Variants in PDSS2 observed in about 807,000 individuals in gnomAD.
The protein encoded by PDSS2 is all trans-polyprenyl-diphosphate synthase PDSS2.
In PDSS2, 31 loss-of-function variants were observed where a neutral mutation model predicts 44.5. The observed-to-expected ratio is 0.70, with a 90% CI of 0.52 to 0.94. PDSS2 has a LOEUF of 0.94. Ranked by LOEUF, PDSS2 falls within the 40% of genes least tolerant of loss-of-function variation. The pLI is 0.00. For missense variants in PDSS2, 452 were observed against 482.2 expected, an observed-to-expected ratio of 0.94 and a Z score of 0.59; for synonymous variants, 157 against 180.3, an observed-to-expected ratio of 0.87 and a Z score of 1.03.
At chr6:107,320,092 T>C (rs1256043593) in intron 2 of PDSS2, among the ~76,000 whole-genome samples, 1 of 152,168 alleles carries the variant, frequency 6.6e-6, no homozygotes, top group Non-Finnish European at 1.5e-5. Context: ...TTGCATGGCA[T>C]AATAAGCTGT....
chr6:107,240,502 G>T (rs920414844), intron 4 of PDSS2, among the ~76,000 whole-genome samples: 1 of 149,554 alleles, frequency 6.7e-6, no homozygotes, highest in Non-Finnish European at 1.5e-5. Context: ...AGGTTCAAGC[G>T]ATCCTCCTGC....
At chr6:107,182,905 G>A (rs1582749379) in intron 7 of PDSS2, among the ~76,000 whole-genome samples, 1 of 152,054 alleles carries the variant, frequency 6.6e-6, no homozygotes, top group African/African-American at 2.4e-5. Context: ...ATGAGGAGTG[G>A]GGGATTTAAA....
chr6:107,362,751 A>C (rs1421544334), intron 1 of PDSS2, among the ~76,000 whole-genome samples: 1 of 152,234 alleles, frequency 6.6e-6, no homozygotes, highest in Non-Finnish European at 1.5e-5. Context: ...TATTATAAAT[A>C]TGCTCAAAAA....
At chr6:107,346,040 T>C (rs149235811) in intron 1 of PDSS2, among the ~76,000 whole-genome samples, 2 of 152,324 alleles carry the variant, frequency 1.3e-5, no homozygotes, top group African/African-American at 4.8e-5. Flanking sequence ...CCAGCAGAGC[T>C]AGCAAAGAGG....
At chr6:107,362,343 A>C (rs1251314115) in intron 1 of PDSS2, among the ~76,000 whole-genome samples, 1 of 152,224 alleles carries the variant, frequency 6.6e-6, no homozygotes, top group Non-Finnish European at 1.5e-5. Context: ...AGAGACTGGA[A>C]GTCTCACTGT....
At chr6:107,293,835 G>C (rs566435904) in intron 2 of PDSS2, among the ~76,000 whole-genome samples, 18 of 152,302 alleles carry the variant, frequency 1.2e-4, no homozygotes, top group Admixed American at 3.9e-4. Context: ...TGTGATAGCA[G>C]ATGAAGAAGA....
chr6:107,407,313 ACTGTTT>A (rs1359719888), intron 1 of PDSS2, among the ~76,000 whole-genome samples: 2 of 152,198 alleles, frequency 1.3e-5, no homozygotes, highest in Non-Finnish European at 2.9e-5. Flanking sequence ...ATGAGGAGTT[ACTGTTT>A]CTATTTGTGA....
chr6:107,354,086 A>G (rs1305060130), intron 1 of PDSS2, among the ~76,000 whole-genome samples: 1 of 152,212 alleles, frequency 6.6e-6, no homozygotes, highest in Non-Finnish European at 1.5e-5. Flanking sequence ...CACAAGATGT[A>G]CTAATTTAGA....
chr6:107,270,469 T>C (rs1775565599), intron 3 of PDSS2, among the ~76,000 whole-genome samples: 1 of 152,166 alleles, frequency 6.6e-6, no homozygotes, highest in South Asian at 2.1e-4. Context: ...ATTTTTTATC[T>C]GACATCAGTT....
chr6:107,179,121 C>T (rs926509149), intron 7 of PDSS2, among the ~76,000 whole-genome samples: 31 of 152,316 alleles, frequency 2.0e-4, no homozygotes, highest in African/African-American at 7.2e-4. Context: ...ATTTTTCTGA[C>T]AGCTGCACAC....
At chr6:107,177,125 GTA>G (rs1771820052) in intron 7 of PDSS2, among the ~76,000 whole-genome samples, 1 of 133,642 alleles carries the variant, frequency 7.5e-6, no homozygotes, top group Admixed American at 8.5e-5. Flanking sequence ...AACACGTAAT[GTA>G]ATTCTTTTTT....
chr6:107,170,180 G>C (rs1771513197), intron 7 of PDSS2, among the ~76,000 whole-genome samples: 1 of 152,100 alleles, frequency 6.6e-6, no homozygotes, highest in Non-Finnish European at 1.5e-5. Flanking sequence ...GCAATGGTGG[G>C]CGCCCCTCCA....
chr6:107,296,212 C>G (rs1776502802), intron 2 of PDSS2, among the ~76,000 whole-genome samples: 1 of 152,138 alleles, frequency 6.6e-6, no homozygotes, highest in African/African-American at 2.4e-5. Context: ...GCAGCATAAC[C>G]TAGCCTACCC....
chr6:107,247,656 T>C (rs966176123), intron 3 of PDSS2, among the ~76,000 whole-genome samples: 3 of 152,098 alleles, frequency 2.0e-5, no homozygotes, highest in Non-Finnish European at 4.4e-5. Context: ...CCAGTGCACA[T>C]ATCAATCTCT....
intron 1 of PDSS2, among the ~76,000 whole-genome samples, chr6:107,440,661 T>C (rs1781486870): frequency 6.6e-6 from 1 of 152,160 alleles, no homozygotes; most frequent in African/African-American, 2.4e-5. Context: ...AATGGTGCCT[T>C]TGAGCTGGAA....
At chr6:107,283,772 C>T (rs1410596124) in intron 2 of PDSS2, among the ~76,000 whole-genome samples, 1 of 151,694 alleles carries the variant, frequency 6.6e-6, no homozygotes, top group East Asian at 1.9e-4. Context: ...GTGGCTCACG[C>T]CTGTAATCCC....
intron 3 of PDSS2, 77 bp downstream of exon 3, chr6:107,273,952 A>G: frequency 9.0e-7 from 1 of 1,116,086 alleles, no homozygotes; most frequent in Non-Finnish European, 1.4e-6. Flanking sequence ...AGCCGGGCAC[A>G]CAGACCTGCA....
At chr6:107,400,516 G>A (rs969504012) in intron 1 of PDSS2, among the ~76,000 whole-genome samples, 5 of 152,148 alleles carry the variant, frequency 3.3e-5, no homozygotes, top group African/African-American at 1.2e-4. Context: ...AGACTGGGGT[G>A]GTTTTGCAAC....
intron 4 of PDSS2, among the ~76,000 whole-genome samples, chr6:107,225,155 ATATATATTTTTTTTTTTTT>A (rs1244646084): frequency 1.9e-5 from 1 of 51,454 alleles, no homozygotes; most frequent in East Asian, 3.4e-4. Flanking sequence ...ATATATATAT[ATATATATTTTTTTTTTTTT>A]TTTTTTTTTT....
Sources: allele counts gnomAD v4.1 joint callset (sites outside exome capture counted in the v4.1 genomes callset), GRCh38; gene constraint gnomAD v4.1.1; transcripts MANE v1.5; gene names NCBI Gene and HGNC (gene_info 2026-07-23, HGNC 2026-07-21).